SEMA3A: variants seen among roughly 807,000 people sequenced by gnomAD.
The protein encoded by SEMA3A is semaphorin 3A.
A neutral mutation model predicts 97.9 loss-of-function variants in SEMA3A; 29 were observed. The observed-to-expected ratio is 0.30, with a 90% CI of 0.22 to 0.40. SEMA3A has a LOEUF of 0.40. Among genes scored for constraint, SEMA3A ranks in the 10% least tolerant of loss-of-function variants. The pLI is 1.00. For synonymous variants in SEMA3A, 321 were observed against 323.7 expected (o/e 0.99, Z 0.09); for missense variants, 763 against 951.3 (o/e 0.80, Z 2.60).
intron 1 of SEMA3A, among the ~76,000 whole-genome samples, chr7:84,470,826 A>C (rs1806127585): frequency 6.6e-6 from 1 of 152,120 alleles, no homozygotes; most frequent in Admixed American, 6.6e-5. Context: ...AGGCTGCCTA[A>C]GATTTTGATT....
chr7:83,965,590 T>C (rs140092640), intron 15 of SEMA3A, among the ~76,000 whole-genome samples: 1 of 116,788 alleles, frequency 8.6e-6, no homozygotes, highest in African/African-American at 3.1e-5. Context: ...TAATAGAAAA[T>C]AAAAGTGTTT....
chr7:84,067,259 A>G (rs1793548916), intron 4 of SEMA3A, among the ~76,000 whole-genome samples: 1 of 152,106 alleles, frequency 6.6e-6, no homozygotes, highest in Non-Finnish European at 1.5e-5. Flanking sequence ...TACACCTTAT[A>G]CAAAAATCAA....
intron 2 of SEMA3A, among the ~76,000 whole-genome samples, chr7:84,360,071 G>C (rs28818018): frequency 0.22 from 32,546 of 150,402 alleles, 3,650 homozygotes; most frequent in Admixed American, 0.27. Context: ...CAATTTTGTT[G>C]ATCTTTTCAA....
intron 1 of SEMA3A, among the ~76,000 whole-genome samples, chr7:84,147,662 G>C (rs1402236286): frequency 1.3e-5 from 2 of 152,112 alleles, no homozygotes; most frequent in Non-Finnish European, 2.9e-5. Context: ...CTTACTGAAT[G>C]AATGAGTAAA....
chr7:84,105,904 C>T (rs992323447), intron 4 of SEMA3A, among the ~76,000 whole-genome samples: 2 of 152,134 alleles, frequency 1.3e-5, no homozygotes, highest in Non-Finnish European at 2.9e-5. Context: ...TAAACACACA[C>T]ATGTGTATGA....
chr7:84,263,140 T>C (rs2115668952), intron 3 of SEMA3A, among the ~76,000 whole-genome samples: 1 of 152,344 alleles, frequency 6.6e-6, no homozygotes, highest in East Asian at 1.9e-4. Context: ...TATTATTTTT[T>C]GGGCAAAATA....
chr7:84,204,415 A>G (rs73709602), intron 3 of SEMA3A, among the ~76,000 whole-genome samples: 8,361 of 152,236 alleles, frequency 0.055, 307 homozygotes, highest in Middle Eastern at 0.065. Flanking sequence ...CGAGGATCCC[A>G]CATTCCCTGA....
intron 6 of SEMA3A, among the ~76,000 whole-genome samples, chr7:84,027,179 G>C (rs1440940779): frequency 6.6e-6 from 1 of 152,036 alleles, no homozygotes; most frequent in Admixed American, 6.6e-5. Flanking sequence ...GCCTTTAAAA[G>C]ACATGCAATG....
chr7:84,406,826 A>T (rs1404518524), intron 1 of SEMA3A, among the ~76,000 whole-genome samples: 1 of 152,252 alleles, frequency 6.6e-6, no homozygotes, highest in Non-Finnish European at 1.5e-5. Context: ...ATAGATGCAG[A>T]AAAGGCCTTT....
chr7:83,983,303 A>G (rs1296524236), intron 13 of SEMA3A, among the ~76,000 whole-genome samples: 1 of 150,776 alleles, frequency 6.6e-6, no homozygotes, highest in African/African-American at 2.4e-5. Context: ...CTTAGACACT[A>G]TTGAATGTAA....
chr7:83,963,036 G>C (rs1357926595), intron 16 of SEMA3A, among the ~76,000 whole-genome samples, 169 bp downstream of exon 16: 1 of 152,136 alleles, frequency 6.6e-6, no homozygotes, highest in Admixed American at 6.6e-5. Context: ...TACAAAGTCT[G>C]TCACGTCATC....
intron 12 of SEMA3A, among the ~76,000 whole-genome samples, chr7:83,994,525 C>T (rs904441090): frequency 7.5e-6 from 1 of 132,466 alleles, no homozygotes; most frequent in Non-Finnish European, 1.6e-5. Context: ...TGTTAGTTTT[C>T]CTTCTAACAG....
intron 3 of SEMA3A, among the ~76,000 whole-genome samples, chr7:84,222,839 A>G (rs147071420): frequency 1.4e-3 from 217 of 152,020 alleles, no homozygotes; most frequent in Non-Finnish European, 2.6e-3. Flanking sequence ...CTATGTTGGT[A>G]TCACTAGGGA....
At chr7:84,344,192 T>C (rs1300370530) in intron 2 of SEMA3A, among the ~76,000 whole-genome samples, 4 of 152,200 alleles carry the variant, frequency 2.6e-5, no homozygotes, top group African/African-American at 9.6e-5. Flanking sequence ...GTATGGATTT[T>C]TGACAATACT....
Position 83,956,185 on chromosome 7 carries a change from T to C in SEMA3A, c.*5186A>G, listed in dbSNP as rs1404180825. ...CCATCTAAGGTATGCCTTGAACAAATGCAGACTTCACATTTTAATGCTATC... is the reference window on the plus strand; with the variant it reads ...CCATCTAAGGTATGCCTTGAACAAACGCAGACTTCACATTTTAATGCTATC... On this transcript the variant is annotated 3_prime_UTR_variant, in exon 17 of 17. Coordinates refer to ENST00000265362, the MANE Select transcript of SEMA3A (RefSeq NM_006080.3). The C allele has an allele frequency of 6.6e-6, 1 of 152,148 alleles. No individual in the cohort carries two copies. The highest frequency in any genetic ancestry group is 6.6e-5 in the Admixed American group (1 of 15,264). The allele number at this position is 152,148 out of a possible 1,614,324, so 9.4% of individuals were successfully genotyped here.
upstream of SEMA3A, chr7:84,195,004 CAGAGAGAGAGAGAGAGAGAAAG>C (rs1798176611): frequency 7.3e-6 from 1 of 137,362 alleles, no homozygotes; most frequent in African/African-American, 2.8e-5. Context: ...GAAAGGGAAA[CAGAGAGAGAGAGAGAGAGAAAG>C]AGAGAGAGAG....
Position 84,193,043 on chromosome 7 carries a change from A to T in SEMA3A, c.112+1432T>A, listed in dbSNP as rs913267279. ...AAGACAGTTACTAAATTAATTAAAT[A>T]ACGCTACATGATTTTTTAAAACTTA... On this transcript the variant is annotated intron_variant, in intron 1 of 16. Coordinates refer to ENST00000265362, the MANE Select transcript of SEMA3A (RefSeq NM_006080.3). Among the ~76,000 whole-genome samples the T allele has an allele frequency of 2.6e-5, 4 of 152,114 alleles. No individual in the cohort carries two copies. The South Asian group carries it at 8.3e-4, about 31-fold the overall frequency.
At chr7:84,305,753 T>C (rs916485391) in intron 3 of SEMA3A, among the ~76,000 whole-genome samples, 1 of 151,946 alleles carries the variant, frequency 6.6e-6, no homozygotes. Context: ...TGGGAAGCAA[T>C]TGTAACTGAA....
intron 3 of SEMA3A, among the ~76,000 whole-genome samples, chr7:84,291,217 T>C (rs1800735672): frequency 6.6e-6 from 1 of 152,096 alleles, no homozygotes; most frequent in Admixed American, 6.6e-5. Flanking sequence ...AATTTTTAGA[T>C]ACATAAATAA....
Sources: gnomAD v4.1 joint callset for allele counts (sites outside exome capture counted in the v4.1 genomes callset) on GRCh38, gnomAD v4.1.1 for gene constraint, MANE v1.5 for transcripts, NCBI Gene and HGNC (gene_info 2026-07-23, HGNC 2026-07-21) for gene names.